The following MS4A4E variants were observed in gnomAD, a reference collection of about 807,000 sequenced individuals.
The protein encoded by MS4A4E is membrane spanning 4-domains A4E.
A neutral mutation model predicts 13.3 loss-of-function variants in MS4A4E; 23 were observed. That is an observed-to-expected ratio of 1.73 (90% confidence interval 1.25 to 2.45). MS4A4E has a LOEUF of 2.45. Among genes scored for constraint, MS4A4E ranks in the 30% most tolerant of loss-of-function variants. The pLI, the probability that MS4A4E is intolerant of heterozygous loss-of-function variation, is 0.00. For missense variants in MS4A4E, 144 were observed against 131.2 expected, an observed-to-expected ratio of 1.10 and a Z score of -0.48; for synonymous variants, 36 against 45.6, an observed-to-expected ratio of 0.79 and a Z score of 0.85.
intron 4 of MS4A4E, 118 bp from the exon 5 acceptor site, chr11:60,213,250 C>G (rs974413986): frequency 4.6e-6 from 7 of 1,528,448 alleles, no homozygotes; most frequent in Middle Eastern, 1.7e-4. Flanking sequence ...AACTTGTCTC[C>G]TTATAGTGGT....
intron 3 of MS4A4E, among the ~76,000 whole-genome samples, chr11:60,225,709 C>CA (rs1259352285): frequency 1.3e-5 from 2 of 151,336 alleles, no homozygotes; most frequent in African/African-American, 4.9e-5. Flanking sequence ...AAATAATGAT[C>CA]AAAATCAATC....
At chr11:60,202,796 C>G (rs1375117405) in intron 8 of MS4A4E, among the ~76,000 whole-genome samples, 1 of 152,220 alleles carries the variant, frequency 6.6e-6, no homozygotes, top group Non-Finnish European at 1.5e-5. Context: ...AGATCCACTA[C>G]TTTATCCCAA....
At position 60,200,331 on chromosome 11, in the gene MS4A4E, C is replaced by G. The variant is rs535365769; in HGVS notation, c.*1212G>C. Among the ~76,000 whole-genome samples the G allele has an allele frequency of 9.3e-4, 141 of 151,376 alleles. No homozygotes were observed. The highest frequency in any genetic ancestry group is 3.3e-3 in the African/African-American group (136 of 41,312). On this transcript the variant is annotated 3_prime_UTR_variant, in exon 9 of 9. Coordinates refer to ENST00000651255, the MANE Select transcript of MS4A4E (RefSeq NM_001393391.1). The stretch of plus-strand genomic sequence containing the variant: ...TTTTATTGACCATTCTTGGGTGTTT[C>G]TCACAGAGGGGGATTTGGCAGGGTC...
At chr11:60,237,741 T>C (rs972258796) in intron 1 of MS4A4E, among the ~76,000 whole-genome samples, 1 of 152,212 alleles carries the variant, frequency 6.6e-6, no homozygotes, top group Non-Finnish European at 1.5e-5. Context: ...GTTGGCCGCA[T>C]GTACATCTTA....
At chr11:60,237,998 A>G (rs1216198736) in intron 1 of MS4A4E, among the ~76,000 whole-genome samples, 1 of 151,520 alleles carries the variant, frequency 6.6e-6, no homozygotes, top group Non-Finnish European at 1.5e-5. Context: ...TGATTTTTTG[A>G]ATGCTAAATT....
At chr11:60,206,512 T>TATGTGTATATATATACAC (rs141037502) in intron 6 of MS4A4E, among the ~76,000 whole-genome samples, 40 of 98,294 alleles carry the variant, frequency 4.1e-4, no homozygotes, top group African/African-American at 1.9e-3. Context: ...TATATATATA[T>TATGTGTATATATATACAC]ACACACACAC....
chr11:60,213,400 G>C, intron 4 of MS4A4E: 2 of 1,123,618 alleles, frequency 1.8e-6, no homozygotes, highest in Non-Finnish European at 2.6e-6. Flanking sequence ...CACATTAGCT[G>C]GACAGTCATG....
At chr11:60,222,831 AG>A (rs971661528) in intron 3 of MS4A4E, among the ~76,000 whole-genome samples, 13 of 152,308 alleles carry the variant, frequency 8.5e-5, no homozygotes, top group African/African-American at 2.4e-4. Context: ...AGTGTTGGCT[AG>A]GGTGACTGAC....
In MS4A4E at chr11:60,224,990, G is replaced by T; in HGVS notation, c.178+3604C>A. Reference sequence around the variant, plus strand: ...CATCACTGACCCCCAAATTGTGTACGCAACATACACAAAAATGGGATGTTC... The same window carrying T: ...CATCACTGACCCCCAAATTGTGTACTCAACATACACAAAAATGGGATGTTC... On this transcript the variant is annotated intron_variant, in intron 3 of 8. Transcript: ENST00000651255. 2.0e-6 allele frequency: 3 copies of T among 1,533,330 alleles called. No homozygotes were observed. The South Asian group carries it at 3.6e-5, about 18-fold the overall frequency. 95.0% of individuals were successfully genotyped at this position (1,533,330 alleles called of 1,614,324 possible).
intron 1 of MS4A4E, among the ~76,000 whole-genome samples, chr11:60,238,748 A>C (rs1179974714): frequency 1.3e-5 from 2 of 152,210 alleles, no homozygotes; most frequent in Non-Finnish European, 2.9e-5. Flanking sequence ...GTGGAAGATT[A>C]GATTACTGAG....
rs1169893330 is a variant in MS4A4E, at chr11:60,204,964, GAAAGT to G, written c.591-11_591-7del. Among the ~76,000 whole-genome samples the G allele has an allele frequency of 6.6e-6, 1 of 152,178 alleles. No homozygotes were observed. The highest frequency in any genetic ancestry group is 1.5e-5 in the Non-Finnish European group (1 of 68,032). On this transcript the variant is annotated splice_polypyrimidine_tract_variant and splice_region_variant and intron_variant, in intron 7 of 8. Coordinates refer to ENST00000651255, the MANE Select transcript of MS4A4E (RefSeq NM_001393391.1). ...GATACTGTCCATCTCCGGAGCTGGA[GAAAGT>G]AGACAGGTTAGCATTGAAAGAAGGA...
intron 1 of MS4A4E, among the ~76,000 whole-genome samples, chr11:60,234,187 T>G (rs887375640): frequency 2.6e-5 from 4 of 152,230 alleles, no homozygotes; most frequent in Non-Finnish European, 5.9e-5. Context: ...TGCCTCCAGA[T>G]AAGTCATACC....
At chr11:60,236,988 A>T (rs2084491739) in intron 1 of MS4A4E, among the ~76,000 whole-genome samples, 1 of 152,160 alleles carries the variant, frequency 6.6e-6, no homozygotes, top group Non-Finnish European at 1.5e-5. Context: ...CATCCACCTC[A>T]GCCTTCCAAA....
intron 4 of MS4A4E, among the ~76,000 whole-genome samples, chr11:60,214,200 C>A (rs961026742): frequency 1.3e-5 from 2 of 152,138 alleles, no homozygotes; most frequent in African/African-American, 4.8e-5. Context: ...GCCACCGCGC[C>A]CGGCCAGAAT....
Position 60,214,667 on chromosome 11 carries a change from A to G in MS4A4E, c.179-53T>C, listed in dbSNP as rs1008337501. 1.2e-5 allele frequency: 15 copies of G among 1,241,636 alleles called. No individual in the cohort carries two copies. In the East Asian group the frequency reaches 3.6e-4, roughly 30 times the overall value. 76.9% of individuals were successfully genotyped at this position (1,241,636 alleles called of 1,614,324 possible). On this transcript the variant is annotated intron_variant, in intron 3 of 8. Coordinates refer to ENST00000651255, the MANE Select transcript of MS4A4E (RefSeq NM_001393391.1). ...AAAAAATGGAGATAAAAAGTTTTAA[A>G]CAAGTATTGGAAATCACAACTTAGT...
chr11:60,207,927 G>A (rs11230191), intron 6 of MS4A4E, among the ~76,000 whole-genome samples: 2,596 of 152,194 alleles, frequency 0.017, 78 homozygotes, highest in African/African-American at 0.059. Flanking sequence ...CATTCCTTCC[G>A]TATTCCAGGA....
intron 3 of MS4A4E, among the ~76,000 whole-genome samples, chr11:60,215,767 T>A (rs1231194007): frequency 6.6e-6 from 1 of 152,084 alleles, no homozygotes. Context: ...TATTTAAGTA[T>A]GAATAACATA....
At chr11:60,204,327 A>G (rs1220655493) in intron 8 of MS4A4E, among the ~76,000 whole-genome samples, 1 of 152,150 alleles carries the variant, frequency 6.6e-6, no homozygotes, top group Non-Finnish European at 1.5e-5. Flanking sequence ...CTTGAGGTAA[A>G]CTTTGACTTG....
At chr11:60,216,715 T>C (rs1316598903) in intron 3 of MS4A4E, among the ~76,000 whole-genome samples, 1 of 152,016 alleles carries the variant, frequency 6.6e-6, no homozygotes, top group African/African-American at 2.4e-5. Context: ...CTTGATTGAA[T>C]TGAAGGATGC....
Sources: allele counts gnomAD v4.1 joint callset (sites outside exome capture counted in the v4.1 genomes callset), GRCh38; gene constraint gnomAD v4.1.1; transcripts MANE v1.5; gene names NCBI Gene and HGNC (gene_info 2026-07-23, HGNC 2026-07-21).